Variants in BCAT1 observed in about 807,000 individuals in gnomAD.
BCAT1 encodes the protein branched-chain-amino-acid aminotransferase, cytosolic.
In BCAT1, 48 loss-of-function variants were observed where a neutral mutation model predicts 52.4. That is an observed-to-expected ratio of 0.92 (90% CI 0.73 to 1.16). The LOEUF is 1.16. BCAT1 is among the 50% of genes most tolerant of loss of function. The pLI, the probability that BCAT1 is intolerant of heterozygous loss-of-function variation, is 0.00. For missense variants in BCAT1, 451 were observed against 457.1 expected (o/e 0.99, Z 0.12); for synonymous variants, 167 against 161.3 (o/e 1.04, Z -0.27).
At chr12:24,925,923 G>A (rs1032883880) in intron 1 of BCAT1, among the ~76,000 whole-genome samples, 16 of 151,938 alleles carry the variant, frequency 1.1e-4, no homozygotes, top group African/African-American at 2.7e-4. Flanking sequence ...GTGTAGTGGC[G>A]TGATCTCGGC....
At chr12:24,895,604 T>TA (rs1168202628) in intron 2 of BCAT1, among the ~76,000 whole-genome samples, 3 of 151,574 alleles carry the variant, frequency 2.0e-5, no homozygotes, top group Non-Finnish European at 4.4e-5. Context: ...TTTGATCAGT[T>TA]AAAAAAACAG....
chr12:24,876,260 T>TTA (rs1555109532), intron 5 of BCAT1, among the ~76,000 whole-genome samples: 208 of 109,866 alleles, frequency 1.9e-3, no homozygotes, highest in Non-Finnish European at 2.4e-3. Context: ...GAGGGAGATG[T>TTA]AAAAAAAAAA....
rs543030605 is a variant in BCAT1, at chr12:24,814,641, T to C, written c.*3367A>G. On this transcript the variant is annotated 3_prime_UTR_variant, in exon 11 of 11. Coordinates refer to ENST00000261192, the MANE Select transcript of BCAT1 (RefSeq NM_005504.7). ...ATTTGAGGCAAGCAAGACCACTTGC[T>C]TAGGTAAATTTTATGAAGCAACAAA... The C allele has an allele frequency of 2.0e-5, 3 of 152,178 alleles. No individual in the cohort carries two copies. Among genetic ancestry groups the C allele is most frequent in the African/African-American group, 7.2e-5 (3 of 41,528 alleles). 9.4% of individuals were successfully genotyped at this position (152,178 alleles called of 1,614,324 possible).
intron 5 of BCAT1, among the ~76,000 whole-genome samples, chr12:24,851,024 T>C (rs762625733): frequency 6.6e-6 from 1 of 152,106 alleles, no homozygotes. Flanking sequence ...AATTCCTCCA[T>C]CACAAGAGCA....
intron 10 of BCAT1, among the ~76,000 whole-genome samples, chr12:24,825,845 G>A (rs1940373451): frequency 6.6e-6 from 1 of 152,142 alleles, no homozygotes; most frequent in South Asian, 2.1e-4. Context: ...CTGTGGAGAA[G>A]CTTTCCAGCT....
At chr12:24,822,459 C>T (rs938141765) in intron 10 of BCAT1, among the ~76,000 whole-genome samples, 1 of 152,176 alleles carries the variant, frequency 6.6e-6, no homozygotes, top group African/African-American at 2.4e-5. Flanking sequence ...TAGAAAACAT[C>T]CATGCTCCCA....
At chr12:24,865,696 A>G (rs1941986923) in intron 5 of BCAT1, among the ~76,000 whole-genome samples, 1 of 152,170 alleles carries the variant, frequency 6.6e-6, no homozygotes, top group Non-Finnish European at 1.5e-5. Flanking sequence ...GGTTAAATAC[A>G]TCAAATATAA....
At chr12:24,841,345 T>C (rs935291044) in intron 7 of BCAT1, among the ~76,000 whole-genome samples, 5 of 152,182 alleles carry the variant, frequency 3.3e-5, no homozygotes, top group African/African-American at 7.2e-5. Context: ...ATCCTTCCAG[T>C]AGAATCAGTA....
intron 5 of BCAT1, among the ~76,000 whole-genome samples, chr12:24,878,269 T>C (rs1942400912): frequency 6.6e-6 from 1 of 152,168 alleles, no homozygotes; most frequent in Non-Finnish European, 1.5e-5. Flanking sequence ...TATAATCGAA[T>C]TATAATTGAT....
chr12:24,887,080 A>AAAAAAAAAAAAAAT (rs1245203518), intron 3 of BCAT1, among the ~76,000 whole-genome samples: 46 of 40,734 alleles, frequency 1.1e-3, no homozygotes, highest in East Asian at 1.5e-3. Context: ...AAAAAAAAAA[A>AAAAAAAAAAAAAAT]ATATATATAT....
rs1406416032 is a variant in BCAT1, at chr12:24,849,906, A to G, written c.554T>C (p.Val185Ala). Reference sequence around the variant, plus strand: ...ATAAGGTCCCACTGGGCTCAAGAGTACAAAGAGCAGGGCTTTGGTAGGCTT... The same window carrying G: ...ATAAGGTCCCACTGGGCTCAAGAGTGCAAAGAGCAGGGCTTTGGTAGGCTT... ...VKKPTKALLF[V>A]LLSPVGPYFS... The change falls in exon 6 of 11, where the codon GTA becomes GCA. Residue 185 changes from valine (V) to alanine (A), a missense_variant. Val to Ala is a moderately conservative substitution (Grantham distance 64, BLOSUM62 0). Transcript: ENST00000261192. The G allele has an allele frequency of 6.2e-7, 1 of 1,613,548 alleles. No homozygotes were observed. The highest frequency in any genetic ancestry group is 1.7e-5 in the Admixed American group (1 of 60,018).
At chr12:24,921,764 C>T (rs1945423940) in intron 1 of BCAT1, among the ~76,000 whole-genome samples, 1 of 152,176 alleles carries the variant, frequency 6.6e-6, no homozygotes, top group African/African-American at 2.4e-5. Context: ...TAATAGCTTC[C>T]ATTAGTCACA....
intron 8 of BCAT1, 83 bp from the exon 9 acceptor site, chr12:24,832,946 C>G (rs1181610062): frequency 1.5e-6 from 2 of 1,357,764 alleles, no homozygotes; most frequent in Non-Finnish European, 2.0e-6. Flanking sequence ...TTCTGCTTAA[C>G]ATTCTGATTG....
At chr12:24,911,744 G>T (rs1943331413) in intron 1 of BCAT1, among the ~76,000 whole-genome samples, 1 of 151,722 alleles carries the variant, frequency 6.6e-6, no homozygotes, top group African/African-American at 2.4e-5. Context: ...ATCTTCTTCT[G>T]CACAGGGAGG....
chr12:24,942,948 T>C (rs2139764276), intron 1 of BCAT1, among the ~76,000 whole-genome samples: 1 of 152,336 alleles, frequency 6.6e-6, no homozygotes, highest in East Asian at 1.9e-4. Flanking sequence ...GAACTAAAAG[T>C]GGAGATTTTC....
rs1939730429 is a variant in BCAT1, at chr12:24,812,720, C to T, written c.*5288G>A. On this transcript the variant is annotated 3_prime_UTR_variant, in exon 11 of 11. Coordinates refer to ENST00000261192, the MANE Select transcript of BCAT1 (RefSeq NM_005504.7). ...TCTATCATTCCTTTCTTCTCTACCTCCACTTATTCTTCCTCTGATATCATC... is the reference window on the plus strand; with the variant it reads ...TCTATCATTCCTTTCTTCTCTACCTTCACTTATTCTTCCTCTGATATCATC... 1 of 152,006 alleles carries T rather than the reference C, an allele frequency of 6.6e-6. No individual in the cohort carries two copies. Among genetic ancestry groups the T allele is most frequent in the Non-Finnish European group, 1.5e-5 (1 of 67,882 alleles). 9.4% of individuals were successfully genotyped at this position (152,006 alleles called of 1,614,324 possible).
At chr12:24,860,395 CTT>C (rs34370749) in intron 5 of BCAT1, among the ~76,000 whole-genome samples, 2 of 151,102 alleles carry the variant, frequency 1.3e-5, no homozygotes, top group African/African-American at 4.9e-5. Flanking sequence ...GTCAAGAAAC[CTT>C]TTTTTTTGAG....
chr12:24,861,272 A>C (rs375479448), intron 5 of BCAT1, among the ~76,000 whole-genome samples: 1 of 152,228 alleles, frequency 6.6e-6, no homozygotes, highest in East Asian at 1.9e-4. Context: ...AATTCTGAAC[A>C]TGTGTTGGAA....
At chr12:24,894,175 T>C in intron 3 of BCAT1, 100 bp downstream of exon 3, 1 of 1,149,432 alleles carries the variant, frequency 8.7e-7, no homozygotes, top group Middle Eastern at 2.3e-4. Flanking sequence ...GTAAATATGA[T>C]AAAGCCCATA....
Sources: gnomAD v4.1 joint callset for allele counts (sites outside exome capture counted in the v4.1 genomes callset) on GRCh38, gnomAD v4.1.1 for gene constraint, MANE v1.5 for transcripts, NCBI Gene and HGNC (gene_info 2026-07-23, HGNC 2026-07-21) for gene names.